The following APBA1 variants were observed in gnomAD, a reference collection of about 807,000 sequenced individuals.
APBA1 encodes the protein amyloid beta precursor protein binding family A member 1.
A neutral mutation model predicts 86.6 loss-of-function variants in APBA1; 55 were observed. The observed-to-expected ratio is 0.64, with a 90% CI of 0.51 to 0.80. The LOEUF is 0.80. APBA1 is among the 30% of genes least tolerant of loss of function. The pLI is 0.00. For synonymous variants in APBA1, 511 were observed against 493.9 expected (o/e 1.03, Z -0.46); for missense variants, 1,090 against 1,183.0 (o/e 0.92, Z 1.15).
At chr9:69,436,579 T>TA (rs1834725962) in intron 11 of APBA1, among the ~76,000 whole-genome samples, 5 of 135,782 alleles carry the variant, frequency 3.7e-5, no homozygotes, top group South Asian at 2.6e-4. Flanking sequence ...GGCTCTCTGT[T>TA]TGTTGTTGGT....
chr9:69,521,303 C>G (rs1335923092), intron 1 of APBA1, among the ~76,000 whole-genome samples: 1 of 152,194 alleles, frequency 6.6e-6, no homozygotes, highest in Non-Finnish European at 1.5e-5. Context: ...CCGCACCCTG[C>G]ATTCTAACAG....
At chr9:69,470,100 C>T (rs1274678488) in intron 4 of APBA1, among the ~76,000 whole-genome samples, 1 of 152,134 alleles carries the variant, frequency 6.6e-6, no homozygotes, top group Non-Finnish European at 1.5e-5. Flanking sequence ...CCAAGACACA[C>T]AAATATCAGA....
intron 1 of APBA1, among the ~76,000 whole-genome samples, chr9:69,562,586 G>C (rs1181207086): frequency 6.6e-6 from 1 of 151,998 alleles, no homozygotes; most frequent in Admixed American, 6.6e-5. Context: ...TGTTGGCCAG[G>C]CTGGTCTTGA....
chr9:69,458,062 A>G, intron 6 of APBA1, 94 bp downstream of exon 6: 1 of 1,296,874 alleles, frequency 7.7e-7, no homozygotes, highest in Non-Finnish European at 1.1e-6. Context: ...TGCTGGATGC[A>G]GAAAACAAAA....
At chr9:69,458,834 TTTGCTC>T (rs1835144291) in intron 5 of APBA1, among the ~76,000 whole-genome samples, 1 of 151,882 alleles carries the variant, frequency 6.6e-6, no homozygotes, top group Non-Finnish European at 1.5e-5. Context: ...GAGATGGAGT[TTTGCTC>T]TTGTTGCCCA....
At chr9:69,623,031 A>G (rs4744574) in intron 1 of APBA1, among the ~76,000 whole-genome samples, 138,657 of 152,210 alleles carry the variant, frequency 0.91, 63,753 homozygotes, top group East Asian at 1. Context: ...CTCTCCAAAG[A>G]CTGTCCAGGG....
intron 2 of APBA1, among the ~76,000 whole-genome samples, chr9:69,502,061 A>G (rs928578025): frequency 4.6e-5 from 7 of 152,098 alleles, no homozygotes; most frequent in African/African-American, 1.4e-4. Flanking sequence ...TGGTGAGACA[A>G]TCCATCAAAA....
At position 69,432,589 on chromosome 9, in the gene APBA1, C is replaced by T. The variant is rs777421578; in HGVS notation, c.2389G>A (p.Val797Met). Residue 797 changes from valine (V) to methionine (M), a missense_variant, in exon 12 of 13, where the codon GTG (valine) becomes ATG (methionine). Around this residue, in one of 6 missense-constraint regions of APBA1, gnomAD observed 119 missense variants for 124.8 expected, o/e 0.95. Coordinates refer to ENST00000265381, the MANE Select transcript of APBA1 (RefSeq NM_001163.4). ...RIIEINGQSV[V>M]ATPHEKIVHI... ...ACGATCTTCTCGTGGGGGGTGGCCA[C>T]GACGCTCTGTCCATTGATTTCAATG... 4 of 1,605,658 alleles carry T rather than the reference C, an allele frequency of 2.5e-6. No homozygotes were observed. The highest frequency in any genetic ancestry group is 2.3e-5 in the East Asian group (1 of 43,934).
chr9:69,526,574 T>C (rs1214306449), intron 1 of APBA1, among the ~76,000 whole-genome samples: 1 of 152,112 alleles, frequency 6.6e-6, no homozygotes, highest in Non-Finnish European at 1.5e-5. Flanking sequence ...CAACAACAGA[T>C]GCCAGTGAGG....
At chr9:69,558,522 T>TCA (rs1554701107) in intron 1 of APBA1, among the ~76,000 whole-genome samples, 2 of 97,062 alleles carry the variant, frequency 2.1e-5, no homozygotes. Flanking sequence ...CTATCTTAAA[T>TCA]TATATATATA....
rs73443775 is a variant in APBA1, at chr9:69,442,748, A to G, written c.2182-1633T>C. Among the ~76,000 whole-genome samples, 1,204 of 152,336 alleles carry G rather than the reference A, an allele frequency of 7.9e-3. 15 individuals are homozygous for G. Among genetic ancestry groups the G allele is most frequent in the African/African-American group, 0.027 (1,139 of 41,574 alleles). ...ATAAATAGAATTCTGTAAATTCCAC[A>G]GCCACTACTGCTGTCACTCCTTGAC... is the stretch of plus-strand genomic sequence containing the variant. On this transcript the variant is annotated intron_variant, in intron 10 of 12. Transcript: ENST00000265381.
At chr9:69,487,700 C>T (rs1039285918) in intron 2 of APBA1, among the ~76,000 whole-genome samples, 1 of 152,014 alleles carries the variant, frequency 6.6e-6, no homozygotes, top group Non-Finnish European at 1.5e-5. Context: ...CCCTCGTGAA[C>T]CCCCTTGACA....
chr9:69,620,251 T>A (rs530602950), intron 1 of APBA1, among the ~76,000 whole-genome samples: 23 of 152,322 alleles, frequency 1.5e-4, no homozygotes, highest in African/African-American at 5.5e-4. Context: ...CTAGCCGCAT[T>A]TTCCCCCTGC....
At chr9:69,608,351 T>A (rs1386410537) in intron 1 of APBA1, among the ~76,000 whole-genome samples, 1 of 152,208 alleles carries the variant, frequency 6.6e-6, no homozygotes, top group Non-Finnish European at 1.5e-5. Flanking sequence ...GGTTTACTAT[T>A]TATTTGATTG....
intron 11 of APBA1, among the ~76,000 whole-genome samples, chr9:69,435,054 T>C (rs1834680633): frequency 6.6e-6 from 1 of 151,356 alleles, no homozygotes; most frequent in Non-Finnish European, 1.5e-5. Context: ...TGTTGGTTTT[T>C]TGTCCTTGCC....
At chr9:69,446,658 C>T in intron 10 of APBA1, among the ~76,000 whole-genome samples, 1 of 152,156 alleles carries the variant, frequency 6.6e-6, no homozygotes, top group East Asian at 1.9e-4. Context: ...TCCTCTGGTC[C>T]CCACGCAGAT....
rs537079460 is a variant in APBA1, at chr9:69,643,012, C to T, written c.-70+29141G>A. ...ATATATGTGTATACACACACACCCC[C>T]GCCACAAACACACACACACACACAC... On this transcript the variant is annotated intron_variant, in intron 1 of 12. Transcript: ENST00000265381. 1.3e-4 allele frequency among the ~76,000 whole-genome samples: 19 copies of T among 151,248 alleles called. No individual in the cohort carries two copies. In the South Asian group the frequency reaches 2.7e-3, roughly 22 times the overall value.
chr9:69,470,359 G>A lies in APBA1; in HGVS notation c.1336+1297C>T, dbSNP rs557739442. ...ATGGTTTCCCTTTAGTGCTGCCTTC[G>A]GATTGCTCTGTGGATGAGGGAGCAC... On this transcript the variant is annotated intron_variant, in intron 4 of 12. Coordinates refer to ENST00000265381, the MANE Select transcript of APBA1 (RefSeq NM_001163.4). 4.6e-4 allele frequency among the ~76,000 whole-genome samples: 70 copies of A among 152,166 alleles called. No homozygotes were observed. The South Asian group carries it at 9.8e-3, about 21-fold the overall frequency.
chr9:69,638,824 G>A (rs1422385602), intron 1 of APBA1, among the ~76,000 whole-genome samples: 2 of 152,038 alleles, frequency 1.3e-5, no homozygotes, highest in African/African-American at 2.4e-5. Flanking sequence ...AAACATATGA[G>A]GTGTATGTTT....
Sources: allele counts gnomAD v4.1 joint callset (sites outside exome capture counted in the v4.1 genomes callset), GRCh38; gene constraint gnomAD v4.1.1; regional missense constraint gnomAD v4.1.1; transcripts MANE v1.5; gene names NCBI Gene and HGNC (gene_info 2026-07-23, HGNC 2026-07-21).